Variants in SLIT2 observed in about 807,000 individuals in gnomAD.
SLIT2 encodes slit guidance ligand 2.
SLIT2 carries 41 observed loss-of-function variants against 185.7 expected under a neutral mutation model. The ratio of observed to expected loss-of-function variants is 0.22; its 90% CI spans 0.17 to 0.29. The LOEUF is 0.29. Among genes scored for constraint, SLIT2 ranks in the 10% least tolerant of loss-of-function variants. The pLI is 1.00. For synonymous variants in SLIT2, 693 were observed against 680.2 expected, an observed-to-expected ratio of 1.02 and a Z score of -0.29; for missense variants, 1,571 against 1,909.0, an observed-to-expected ratio of 0.82 and a Z score of 3.30.
intron 4 of SLIT2, among the ~76,000 whole-genome samples, chr4:20,278,990 C>T (rs1184618606): frequency 6.6e-6 from 1 of 152,060 alleles, no homozygotes; most frequent in Non-Finnish European, 1.5e-5. Context: ...CGGAGAAAGT[C>T]AGTGTTAAAA....
intron 5 of SLIT2, among the ~76,000 whole-genome samples, chr4:20,480,350 A>G (rs1382927022): frequency 6.6e-6 from 1 of 152,214 alleles, no homozygotes; most frequent in African/African-American, 2.4e-5. Flanking sequence ...TGCATGTGAC[A>G]TTAAGTGATT....
intron 4 of SLIT2, among the ~76,000 whole-genome samples, chr4:20,397,763 T>C (rs1726023421): frequency 6.6e-6 from 1 of 151,850 alleles, no homozygotes; most frequent in South Asian, 2.1e-4. Flanking sequence ...GAACAGTAAG[T>C]GCAGAGAGCT....
intron 4 of SLIT2, among the ~76,000 whole-genome samples, chr4:20,460,410 A>G (rs1426960978): frequency 6.6e-6 from 1 of 152,210 alleles, no homozygotes; most frequent in Non-Finnish European, 1.5e-5. Flanking sequence ...TTTGAAGTAT[A>G]TATGCATTGT....
intron 4 of SLIT2, among the ~76,000 whole-genome samples, chr4:20,368,629 T>G (rs1158668553): frequency 1.3e-5 from 2 of 152,068 alleles, no homozygotes; most frequent in Non-Finnish European, 2.9e-5. Context: ...TCTGAAAAAA[T>G]TTCATTCTAA....
intron 4 of SLIT2, among the ~76,000 whole-genome samples, chr4:20,338,985 T>C (rs1206140223): frequency 2.7e-5 from 4 of 149,064 alleles, no homozygotes; most frequent in African/African-American, 9.9e-5. Context: ...CCTAGCTGCT[T>C]GGAAAGCTGA....
chr4:20,492,617 A>G (rs1381550122), intron 9 of SLIT2, among the ~76,000 whole-genome samples: 1 of 152,156 alleles, frequency 6.6e-6, no homozygotes, highest in Non-Finnish European at 1.5e-5. Context: ...TGTTACCTCA[A>G]TATTCATTGA....
At chr4:20,536,575 A>AC (rs1177457827) in intron 18 of SLIT2, among the ~76,000 whole-genome samples, 5 of 144,236 alleles carry the variant, frequency 3.5e-5, no homozygotes, top group Non-Finnish European at 7.5e-5. Flanking sequence ...AAAAAAAAAA[A>AC]AAAACAAAAA....
chr4:20,303,174 C>T (rs996725109), intron 4 of SLIT2, among the ~76,000 whole-genome samples: 3 of 152,166 alleles, frequency 2.0e-5, no homozygotes, highest in Non-Finnish European at 4.4e-5. Context: ...CAGGTTCACT[C>T]TTTGGATTCT....
chr4:20,529,446 C>T (rs1577864194), intron 16 of SLIT2, among the ~76,000 whole-genome samples: 2 of 152,036 alleles, frequency 1.3e-5, no homozygotes, highest in Non-Finnish European at 2.9e-5. Context: ...ATTCTTATAG[C>T]AACTAAATAA....
chr4:20,304,949 T>C lies in SLIT2; in HGVS notation c.395+36068T>C, dbSNP rs188133563. Among the ~76,000 whole-genome samples the C allele has an allele frequency of 2.4e-3, 358 of 152,334 alleles. 1 individual carries two copies. The highest frequency in any genetic ancestry group is 3.5e-3 in the Non-Finnish European group (238 of 68,026). On this transcript the variant is annotated intron_variant, in intron 4 of 36. Coordinates refer to ENST00000504154, the MANE Select transcript of SLIT2 (RefSeq NM_004787.4). The stretch of plus-strand genomic sequence containing the variant: ...TAATATATGCAGGTTAATTACTTGG[T>C]GGATTGTGATACCTTCATTTATCTT...
chr4:20,555,558 T>C (rs1560191963), intron 26 of SLIT2, among the ~76,000 whole-genome samples: 1 of 152,126 alleles, frequency 6.6e-6, no homozygotes, highest in Non-Finnish European at 1.5e-5. Flanking sequence ...CTGCTGATTG[T>C]ATTGTTATAA....
rs777811864 is a variant in SLIT2, at chr4:20,383,821, G to T, written c.396-83931G>T. ...GGATTCAAGTGATTCTCCTGCCTCAGCCTCCAGTGTAGCTGGGATTACAGG... is the reference window on the plus strand; with the variant it reads ...GGATTCAAGTGATTCTCCTGCCTCATCCTCCAGTGTAGCTGGGATTACAGG... On this transcript the variant is annotated intron_variant, in intron 4 of 36. Transcript: ENST00000504154. 3.9e-4 allele frequency among the ~76,000 whole-genome samples: 60 copies of T among 152,168 alleles called. 1 individual carries two copies. Among genetic ancestry groups the T allele is most frequent in the Non-Finnish European group, 7.8e-4 (53 of 68,006 alleles).
chr4:20,317,372 T>C (rs150261791), intron 4 of SLIT2, among the ~76,000 whole-genome samples: 232 of 152,134 alleles, frequency 1.5e-3, no homozygotes, highest in African/African-American at 5.3e-3. Flanking sequence ...CATTCAATCT[T>C]TAAGTAATAA....
intron 4 of SLIT2, among the ~76,000 whole-genome samples, chr4:20,435,020 A>T (rs1729254531): frequency 6.6e-6 from 1 of 152,228 alleles, no homozygotes; most frequent in African/African-American, 2.4e-5. Flanking sequence ...ACTACAATCT[A>T]CATATCCTAT....
At position 20,620,053 on chromosome 4, in the gene SLIT2, T is replaced by C. The variant is rs1729967636; in HGVS notation, c.*1044T>C. 1 of 198,022 alleles carries C rather than the reference T, an allele frequency of 5.0e-6. No homozygotes were observed. Among genetic ancestry groups the C allele is most frequent in the Non-Finnish European group, 1.0e-5 (1 of 95,998 alleles). The allele number at this position is 198,022 out of a possible 1,614,324, so 12.3% of individuals were successfully genotyped here. ...TCATTCAGGACACCTGCAGAGAGTA[T>C]GCAAAGTCCGAGAGAGGAAAACAGA... is the stretch of plus-strand genomic sequence containing the variant. On this transcript the variant is annotated 3_prime_UTR_variant, in exon 37 of 37. Coordinates refer to ENST00000504154, the MANE Select transcript of SLIT2 (RefSeq NM_004787.4).
chr4:20,387,870 A>C (rs537319139), intron 4 of SLIT2, among the ~76,000 whole-genome samples: 4 of 152,086 alleles, frequency 2.6e-5, no homozygotes, highest in African/African-American at 9.6e-5. Flanking sequence ...CCTGATTTCA[A>C]CCCTGGATCT....
At chr4:20,527,532 G>A (rs1247106977) in intron 15 of SLIT2, among the ~76,000 whole-genome samples, 5 of 152,096 alleles carry the variant, frequency 3.3e-5, no homozygotes, top group South Asian at 2.1e-4. Flanking sequence ...TGATCCGCCC[G>A]CCTTGGCCTC....
chr4:20,523,423 T>A (rs1442751856), intron 12 of SLIT2, among the ~76,000 whole-genome samples: 3 of 152,178 alleles, frequency 2.0e-5, no homozygotes, highest in Admixed American at 2.0e-4. Context: ...AATGATGTCT[T>A]AGAGCATTTT....
chr4:20,550,682 C>T, intron 24 of SLIT2, 145 bp from the exon 25 acceptor site: 1 of 447,652 alleles, frequency 2.2e-6, no homozygotes, highest in Non-Finnish European at 3.9e-6. Flanking sequence ...CTCAGGTATC[C>T]AGTTGTACCA....
Sources: allele counts gnomAD v4.1 joint callset (sites outside exome capture counted in the v4.1 genomes callset), GRCh38; gene constraint gnomAD v4.1.1; transcripts MANE v1.5; gene names NCBI Gene and HGNC (gene_info 2026-07-23, HGNC 2026-07-21).